FRMD4B: variants seen among roughly 807,000 people sequenced by gnomAD.
FRMD4B encodes the protein FERM domain containing 4B, also known as FERM domain-containing protein 4B.
In FRMD4B, 74 loss-of-function variants were observed where a neutral mutation model predicts 141.5. The observed-to-expected ratio is 0.52, with a 90% CI of 0.43 to 0.63. FRMD4B has a LOEUF of 0.63. Ranked by LOEUF, FRMD4B falls within the 30% of genes least tolerant of loss-of-function variation. The pLI is 0.00. For missense variants in FRMD4B, 1,366 were observed against 1,253.4 expected (o/e 1.09, Z -1.36); for synonymous variants, 506 against 467.9 (o/e 1.08, Z -1.05).
Position 69,299,907 on chromosome 3 carries a change from C to T in FRMD4B, c.416+2436G>A, listed in dbSNP as rs575260341. Among the ~76,000 whole-genome samples, 24 of 152,140 alleles carry T rather than the reference C, an allele frequency of 1.6e-4. No homozygotes were observed. The South Asian group carries it at 3.7e-3, about 24-fold the overall frequency. On this transcript the variant is annotated intron_variant, in intron 4 of 22. Transcript: ENST00000398540. ...CTGTGCTGACACAAGAGGTGAGGTA[C>T]CCAATCTCAAAAGAGGTCCCCTGCA...
intron 9 of FRMD4B, 40 bp from the exon 10 acceptor site, chr3:69,218,419 G>T: frequency 1.1e-6 from 1 of 912,170 alleles, no homozygotes; most frequent in Non-Finnish European, 1.7e-6. Flanking sequence ...TATTAAAATA[G>T]TTAGAGGACC....
At chr3:69,254,273 T>G (rs932078630) in intron 5 of FRMD4B, among the ~76,000 whole-genome samples, 12 of 151,724 alleles carry the variant, frequency 7.9e-5, no homozygotes, top group African/African-American at 2.4e-4. Context: ...CCCGGCTAAT[T>G]TTTGTATTTT....
At chr3:69,512,279 T>C (rs900253372) in intron 1 of FRMD4B, among the ~76,000 whole-genome samples, 6 of 152,192 alleles carry the variant, frequency 3.9e-5, no homozygotes, top group African/African-American at 1.4e-4. Context: ...ATAATTTATT[T>C]ACTTATTTGG....
At chr3:69,323,606 G>GTGTATA (rs1702084141) in intron 1 of FRMD4B, among the ~76,000 whole-genome samples, 1 of 72,626 alleles carries the variant, frequency 1.4e-5, no homozygotes. Context: ...CTCTCTCTCT[G>GTGTATA]TGTATATATA....
At position 69,260,252 on chromosome 3, in the gene FRMD4B, C is replaced by T. The variant is rs567082367; in HGVS notation, c.502-10153G>A. ...GGCCAGAGCTGGCTCCCTCTGCTTG[C>T]GGGGAGGTGTGGAGGGAGAGGCGCC... On this transcript the variant is annotated intron_variant, in intron 5 of 22. Transcript: ENST00000398540. Among the ~76,000 whole-genome samples, 64 of 152,274 alleles carry T rather than the reference C, an allele frequency of 4.2e-4. 1 individual carries two copies. Among genetic ancestry groups the T allele is most frequent in the South Asian group, 1.0e-3 (5 of 4,822 alleles).
chr3:69,355,176 C>T (rs1470562234), intron 1 of FRMD4B, among the ~76,000 whole-genome samples: 1 of 152,026 alleles, frequency 6.6e-6, no homozygotes, highest in Non-Finnish European at 1.5e-5. Context: ...TGTTCCAGTG[C>T]CAGCACACAC....
chr3:69,347,310 A>G (rs2107411684), intron 1 of FRMD4B, among the ~76,000 whole-genome samples: 1 of 152,348 alleles, frequency 6.6e-6, no homozygotes, highest in East Asian at 1.9e-4. Flanking sequence ...CACCCAATAC[A>G]GGAGCACCCA....
intron 4 of FRMD4B, among the ~76,000 whole-genome samples, chr3:69,291,463 G>A (rs1167678379): frequency 6.6e-6 from 1 of 152,210 alleles, no homozygotes. Flanking sequence ...TATGGCAACA[G>A]TCACATATGC....
intron 2 of FRMD4B, among the ~76,000 whole-genome samples, chr3:69,405,725 G>A (rs1474353842): frequency 5.9e-5 from 9 of 152,112 alleles, no homozygotes; most frequent in East Asian, 5.8e-4. Flanking sequence ...GGCTCACTCC[G>A]ATACCATGTT....
intron 11 of FRMD4B, among the ~76,000 whole-genome samples, chr3:69,209,055 A>T (rs2107699081): frequency 6.6e-6 from 1 of 152,108 alleles, no homozygotes; most frequent in African/African-American, 2.4e-5. Context: ...GAGGCAGAAG[A>T]ATGGCTCGAA....
chr3:69,230,110 G>A (rs1247072334), intron 7 of FRMD4B, among the ~76,000 whole-genome samples: 1 of 151,772 alleles, frequency 6.6e-6, no homozygotes. Flanking sequence ...CGAGTAGCTG[G>A]GATTACAGGC....
At chr3:69,475,199 C>A (rs556718137) in intron 1 of FRMD4B, among the ~76,000 whole-genome samples, 1 of 151,704 alleles carries the variant, frequency 6.6e-6, no homozygotes, top group Non-Finnish European at 1.5e-5. Flanking sequence ...TTTTCTTTTT[C>A]TTTTTTTTCT....
chr3:69,539,402 T>A (rs1701132092), intron 1 of FRMD4B, among the ~76,000 whole-genome samples: 1 of 152,176 alleles, frequency 6.6e-6, no homozygotes, highest in South Asian at 2.1e-4. Flanking sequence ...GGCTGTGAAG[T>A]TAACTCCTCC....
chr3:69,522,472 C>A (rs1700868170), intron 1 of FRMD4B, among the ~76,000 whole-genome samples: 1 of 152,050 alleles, frequency 6.6e-6, no homozygotes, highest in South Asian at 2.1e-4. Context: ...AGAACGCAGC[C>A]TCCTCCTCCC....
At chr3:69,313,633 T>TA in intron 1 of FRMD4B, 116 bp from the exon 2 acceptor site, 1 of 656,546 alleles carries the variant, frequency 1.5e-6, no homozygotes, top group Non-Finnish European at 2.7e-6. Context: ...TGGCTTTAGT[T>TA]GAGTTAATAA....
chr3:69,458,413 C>A (rs570698792), intron 1 of FRMD4B, among the ~76,000 whole-genome samples: 1 of 152,220 alleles, frequency 6.6e-6, no homozygotes, highest in Admixed American at 6.5e-5. Flanking sequence ...AAAAACTAGT[C>A]TAGTCTGAGA....
chr3:69,434,465 G>A (rs991271785), intron 1 of FRMD4B, among the ~76,000 whole-genome samples: 4 of 152,158 alleles, frequency 2.6e-5, no homozygotes, highest in East Asian at 1.9e-4. Context: ...CATTCCTGCC[G>A]GCAACAAGCA....
intron 7 of FRMD4B, among the ~76,000 whole-genome samples, chr3:69,243,595 C>T (rs57600575): frequency 0.028 from 4,275 of 152,208 alleles, 212 homozygotes; most frequent in African/African-American, 0.098. Flanking sequence ...CTGGAAGTTA[C>T]GCACAGGCAG....
intron 11 of FRMD4B, among the ~76,000 whole-genome samples, chr3:69,206,423 A>C (rs1406428562): frequency 6.6e-6 from 1 of 152,250 alleles, no homozygotes; most frequent in African/African-American, 2.4e-5. Flanking sequence ...TATTTTCAGA[A>C]AAGTTTAGAC....
Sources: allele counts gnomAD v4.1 joint callset (sites outside exome capture counted in the v4.1 genomes callset), GRCh38; gene constraint gnomAD v4.1.1; transcripts MANE v1.5; gene names NCBI Gene and HGNC (gene_info 2026-07-23, HGNC 2026-07-21).